The following FRMD4B variants were observed in gnomAD, a reference collection of about 807,000 sequenced individuals.
FRMD4B encodes FERM domain containing 4B.
FRMD4B carries 74 observed loss-of-function variants against 141.5 expected under a neutral mutation model. The observed-to-expected ratio is 0.52, with a 90% CI of 0.43 to 0.63. The LOEUF is 0.63. FRMD4B is among the 30% of genes least tolerant of loss of function. The pLI is 0.00. For missense variants in FRMD4B, 1,366 were observed against 1,253.4 expected, an observed-to-expected ratio of 1.09 and a Z score of -1.36; for synonymous variants, 506 against 467.9, an observed-to-expected ratio of 1.08 and a Z score of -1.05.
intron 1 of FRMD4B, among the ~76,000 whole-genome samples, chr3:69,443,416 T>A (rs1157770957): frequency 1.3e-5 from 2 of 152,200 alleles, no homozygotes. Flanking sequence ...TAATATCTTT[T>A]CTAATGAACT....
At chr3:69,207,966 G>A (rs1051258751) in intron 11 of FRMD4B, among the ~76,000 whole-genome samples, 26 of 152,172 alleles carry the variant, frequency 1.7e-4, no homozygotes, top group African/African-American at 5.5e-4. Flanking sequence ...TGTAACTTCC[G>A]CTTCCTGGGT....
At chr3:69,189,009 G>A (rs1326319592) in intron 18 of FRMD4B, among the ~76,000 whole-genome samples, 1 of 151,826 alleles carries the variant, frequency 6.6e-6, no homozygotes, top group Non-Finnish European at 1.5e-5. Context: ...ATCACCTTAG[G>A]TCAGGAGTTC....
At chr3:69,467,119 T>C (rs976329211) in intron 1 of FRMD4B, among the ~76,000 whole-genome samples, 1 of 152,210 alleles carries the variant, frequency 6.6e-6, no homozygotes, top group East Asian at 1.9e-4. Flanking sequence ...GGTCCCACTG[T>C]ATTTTCTAAG....
At chr3:69,536,179 C>T in intron 1 of FRMD4B, 1 of 556,174 alleles carries the variant, frequency 1.8e-6, no homozygotes, top group Non-Finnish European at 3.3e-6. Context: ...TCGCTGCCTT[C>T]TTCACCTTGC....
Position 69,196,339 on chromosome 3 carries a change from C to G in FRMD4B, c.1150G>C (p.Gly384Arg). The change falls in exon 14 of 23, where the codon GGA becomes CGA. Residue 384 changes from glycine to arginine, a missense_variant. Gly to Arg is a moderately radical substitution (Grantham distance 125). Transcript: ENST00000398540. The stretch of plus-strand genomic sequence containing the variant: ...ACCAGCTTGGAGGCCCTTTGTGTTC[C>G]TGTCTCTGTCAAATCCATTGCAATC... ...DEIAMDLTET[G>R]TQRASKLVTL... The G allele has an allele frequency of 1.9e-6, 3 of 1,611,280 alleles. No individual in the cohort carries two copies. The highest frequency in any genetic ancestry group is 2.5e-6 in the Non-Finnish European group (3 of 1,178,574).
intron 2 of FRMD4B, among the ~76,000 whole-genome samples, chr3:69,417,421 GT>G (rs1157987359): frequency 6.6e-6 from 1 of 152,120 alleles, no homozygotes; most frequent in African/African-American, 2.4e-5. Flanking sequence ...GTAAATTTAA[GT>G]TCTTTGTAGA....
intron 1 of FRMD4B, among the ~76,000 whole-genome samples, chr3:69,516,532 T>G (rs1385249050): frequency 6.6e-6 from 1 of 152,206 alleles, no homozygotes. Context: ...GTTTTCCCCC[T>G]GGAACTTCCA....
At chr3:69,332,431 C>CA (rs1202920550) in intron 1 of FRMD4B, among the ~76,000 whole-genome samples, 1 of 152,184 alleles carries the variant, frequency 6.6e-6, no homozygotes, top group African/African-American at 2.4e-5. Context: ...TCAGAGAGGG[C>CA]ACATGCCTTG....
intron 18 of FRMD4B, among the ~76,000 whole-genome samples, chr3:69,189,289 T>C (rs911454661): frequency 8.6e-5 from 13 of 150,292 alleles, no homozygotes; most frequent in Admixed American, 1.3e-4. Flanking sequence ...TACAGGCCAT[T>C]ACAATCGATA....
At chr3:69,478,096 T>G (rs1360005482) in intron 1 of FRMD4B, among the ~76,000 whole-genome samples, 1 of 152,194 alleles carries the variant, frequency 6.6e-6, no homozygotes, top group Non-Finnish European at 1.5e-5. Flanking sequence ...CTTCTCTCTT[T>G]TCTTCTTTAT....
intron 11 of FRMD4B, among the ~76,000 whole-genome samples, chr3:69,199,566 A>T (rs986227472): frequency 1.3e-5 from 2 of 152,226 alleles, no homozygotes; most frequent in African/African-American, 4.8e-5. Flanking sequence ...CCTACCTATG[A>T]AGAGTTCCCC....
At chr3:69,257,245 C>T (rs541088864) in intron 5 of FRMD4B, among the ~76,000 whole-genome samples, 1 of 152,340 alleles carries the variant, frequency 6.6e-6, no homozygotes, top group South Asian at 2.1e-4. Flanking sequence ...TCTGGCATTA[C>T]TCCACTGGCT....
intron 1 of FRMD4B, among the ~76,000 whole-genome samples, chr3:69,483,647 A>G (rs1178996538): frequency 1.3e-5 from 2 of 152,188 alleles, no homozygotes; most frequent in African/African-American, 4.8e-5. Context: ...TCATGAGGAG[A>G]AGACACAGAA....
intron 2 of FRMD4B, among the ~76,000 whole-genome samples, chr3:69,401,293 A>T (rs1381249196): frequency 6.6e-6 from 1 of 152,204 alleles, no homozygotes; most frequent in East Asian, 1.9e-4. Context: ...TATTCCATCC[A>T]AGTAAACTAC....
chr3:69,280,952 C>G (rs764752734), intron 5 of FRMD4B, among the ~76,000 whole-genome samples: 12 of 151,232 alleles, frequency 7.9e-5, no homozygotes, highest in Non-Finnish European at 1.6e-4. Flanking sequence ...TTTTGTGAGA[C>G]AGAGTTTCAC....
At chr3:69,246,321 T>C (rs9830957) in intron 7 of FRMD4B, among the ~76,000 whole-genome samples, 35,721 of 151,916 alleles carry the variant, frequency 0.24, 4,436 homozygotes, top group African/African-American at 0.32. Context: ...CCAGGTGTGA[T>C]GGTGTGTACC....
intron 12 of FRMD4B, 67 bp from the exon 13 acceptor site, chr3:69,197,105 C>G: frequency 7.4e-7 from 1 of 1,344,952 alleles, no homozygotes; most frequent in Non-Finnish European, 1.0e-6. Flanking sequence ...ATGTACCCTG[C>G]GAGCAGCATT....
chr3:69,388,602 G>A (rs1033137257), upstream of FRMD4B, among the ~76,000 whole-genome samples: 5 of 152,130 alleles, frequency 3.3e-5, no homozygotes, highest in South Asian at 2.1e-4. Context: ...CTCAGGACCC[G>A]TGAGACCCCA....
intron 15 of FRMD4B, 21 bp from the exon 16 acceptor site, chr3:69,195,162 A>G: frequency 6.2e-7 from 1 of 1,613,874 alleles, no homozygotes. Context: ...GGACAGAATC[A>G]AGAGCAGATA....
Sources: allele counts gnomAD v4.1 joint callset (sites outside exome capture counted in the v4.1 genomes callset), GRCh38; gene constraint gnomAD v4.1.1; transcripts MANE v1.5; gene names NCBI Gene and HGNC (gene_info 2026-07-23, HGNC 2026-07-21).